Variants in NFATC3 observed in about 807,000 individuals in gnomAD.
NFATC3 encodes nuclear factor of activated T cells 3.
Under a neutral mutation model 98.6 loss-of-function variants are expected in NFATC3, and 46 were observed. The observed-to-expected ratio is 0.47, with a 90% CI of 0.37 to 0.60. NFATC3 has a LOEUF of 0.60. Ranked by LOEUF, NFATC3 falls within the 20% of genes least tolerant of loss-of-function variation. NFATC3 has a pLI of 0.00. For missense variants in NFATC3, 1,256 were observed against 1,295.5 expected (o/e 0.97, Z 0.47); for synonymous variants, 512 against 472.2 (o/e 1.08, Z -1.09).
At chr16:68,123,941 G>A (rs2036688356) in intron 2 of NFATC3, among the ~76,000 whole-genome samples, 1 of 151,644 alleles carries the variant, frequency 6.6e-6, no homozygotes, top group African/African-American at 2.4e-5. Context: ...CTGAGATTAT[G>A]CCACTGCACT....
At chr16:68,178,024 TG>T (rs2039795393) in intron 6 of NFATC3, among the ~76,000 whole-genome samples, 2 of 152,312 alleles carry the variant, frequency 1.3e-5, no homozygotes, top group South Asian at 2.1e-4. Context: ...TATTCTTGTT[TG>T]TTTTTTTATA....
intron 9 of NFATC3, among the ~76,000 whole-genome samples, chr16:68,220,976 G>A (rs1371816215): frequency 2.0e-5 from 3 of 152,048 alleles, no homozygotes; most frequent in Non-Finnish European, 4.4e-5. Context: ...TGAACTCCTG[G>A]CCTCAAACAA....
chr16:68,136,511 C>T (rs2037419513), intron 3 of NFATC3, among the ~76,000 whole-genome samples: 1 of 152,262 alleles, frequency 6.6e-6, no homozygotes, highest in South Asian at 2.1e-4. Context: ...TCAAGTGATC[C>T]ACCTGCCTTG....
intron 4 of NFATC3, 96 bp from the exon 5 acceptor site, chr16:68,166,746 AG>A (rs2039217468): frequency 4.1e-5 from 38 of 927,900 alleles, no homozygotes; most frequent in Non-Finnish European, 5.7e-5. Context: ...AATTTTGGGT[AG>A]TTTTTTTCTG....
chr16:68,192,207 C>G lies in NFATC3; in HGVS notation c.3106+432C>G, dbSNP rs1433959538. 7 of 54,792 alleles carry G rather than the reference C, an allele frequency of 1.3e-4. No homozygotes were observed. In the Admixed American group the frequency reaches 1.6e-3, roughly 13 times the overall value. The allele number at this position is 54,792 out of a possible 1,614,324, so 3.4% of individuals were successfully genotyped here. ...TGGGCGGCAGAGCAAGACTCCGTCT[C>G]GGGAAAAAAAAAAAAAAAAAAAAAT... On this transcript the variant is annotated intron_variant, in intron 9 of 9. Coordinates refer to ENST00000346183, the MANE Select transcript of NFATC3 (RefSeq NM_173165.3).
chr16:68,226,196 A>C lies in NFATC3; in HGVS notation c.3107-154A>C, dbSNP rs1289812261. 3 of 785,368 alleles carry C rather than the reference A, an allele frequency of 3.8e-6. No homozygotes were observed. In the African/African-American group the frequency reaches 5.5e-5, roughly 14 times the overall value. 48.6% of individuals were successfully genotyped at this position (785,368 alleles called of 1,614,324 possible). On this transcript the variant is annotated intron_variant, in intron 9 of 9. Transcript: ENST00000346183. The stretch of plus-strand genomic sequence containing the variant: ...TTTGTGGAGCGATGTTTCCATCTCT[A>C]ATGCCACTCAGCTCAGGAGCAGGCT...
At chr16:68,138,742 A>G (rs926559871) in intron 3 of NFATC3, 5 of 1,288,932 alleles carry the variant, frequency 3.9e-6, no homozygotes, top group Middle Eastern at 4.3e-4. Flanking sequence ...TTCCTCATCA[A>G]AACTCTGTAT....
At chr16:68,087,168 T>C (rs1473833329) in intron 1 of NFATC3, among the ~76,000 whole-genome samples, 2 of 152,192 alleles carry the variant, frequency 1.3e-5, no homozygotes, top group Non-Finnish European at 2.9e-5. Context: ...AACAGCTTGT[T>C]TGAGTATTTT....
rs143418786 is a variant in NFATC3 at position 68,140,552 on chromosome 16, A to G, written c.1401+13942A>G. Among the ~76,000 whole-genome samples the G allele has an allele frequency of 5.2e-3, 788 of 152,334 alleles. 7 individuals carry two copies. Among genetic ancestry groups the G allele is most frequent in the African/African-American group, 0.017 (717 of 41,568 alleles). On this transcript the variant is annotated intron_variant, in intron 3 of 9. Coordinates refer to ENST00000346183, the MANE Select transcript of NFATC3 (RefSeq NM_173165.3). Reference sequence around the variant, plus strand: ...TGGATACTGACTATATTTTCTTTTCAACAGATGATGTCAGAGCAACTGGAT... The same window carrying G: ...TGGATACTGACTATATTTTCTTTTCGACAGATGATGTCAGAGCAACTGGAT...
In NFATC3 at chr16:68,143,720, G is replaced by A. The variant is rs2037883162; in HGVS notation, c.1402-14149G>A. Reference sequence around the variant, plus strand: ...ACAAAAATTAGCTGGGCATGGTGGTGCTCACCTCTAGACCCAGCTAAGTCT... The same window carrying A: ...ACAAAAATTAGCTGGGCATGGTGGTACTCACCTCTAGACCCAGCTAAGTCT... On this transcript the variant is annotated intron_variant, in intron 3 of 9. Transcript: ENST00000346183. Among the ~76,000 whole-genome samples, 2 of 152,024 alleles carry A rather than the reference G, an allele frequency of 1.3e-5. 1 individual carries two copies. The highest frequency in any genetic ancestry group is 2.9e-5 in the Non-Finnish European group (2 of 67,980).
chr16:68,187,680 C>T (rs1416951507), intron 8 of NFATC3, among the ~76,000 whole-genome samples: 2 of 152,142 alleles, frequency 1.3e-5, no homozygotes, highest in Admixed American at 6.5e-5. Context: ...TGGGTAGCTC[C>T]TCTCCACAGC....
At position 68,224,305 on chromosome 16, in the gene NFATC3, C is replaced by T. The variant is rs192838772; in HGVS notation, c.3107-2045C>T. On this transcript the variant is annotated intron_variant, in intron 9 of 9. Transcript: ENST00000346183. ...TTTTTTTTTTTTTTTGAGACAGAGT[C>T]TCACTCTGTTGCCCAGGCTGGAGTG... 7.0e-3 allele frequency among the ~76,000 whole-genome samples: 943 copies of T among 135,490 alleles called. 14 individuals carry two copies. The highest frequency in any genetic ancestry group is 0.025 in the African/African-American group (874 of 34,872). The allele number at this position is 135,490 out of a possible 152,430, so 88.9% of individuals were successfully genotyped here. A position where few individuals can be genotyped will look rare whatever the true frequency, so the allele number is the denominator to read the frequency against.
At chr16:68,217,331 C>T (rs2041674943) in intron 9 of NFATC3, among the ~76,000 whole-genome samples, 4 of 151,762 alleles carry the variant, frequency 2.6e-5, no homozygotes, top group Non-Finnish European at 5.9e-5. Context: ...ACTCGGGAGG[C>T]TGAGGCAGGA....
intron 9 of NFATC3, among the ~76,000 whole-genome samples, chr16:68,224,030 A>C (rs1416460673): frequency 1.3e-5 from 2 of 150,692 alleles, no homozygotes; most frequent in African/African-American, 4.9e-5. Flanking sequence ...GTGGATCATG[A>C]GGACAGGAGA....
At chr16:68,166,521 A>AGTG (rs1240143996) in intron 4 of NFATC3, among the ~76,000 whole-genome samples, 1 of 152,216 alleles carries the variant, frequency 6.6e-6, no homozygotes. Flanking sequence ...CATTTGTCAA[A>AGTG]GCAAGTCATA....
intron 3 of NFATC3, among the ~76,000 whole-genome samples, chr16:68,153,075 C>T (rs1213955822): frequency 6.6e-6 from 1 of 152,200 alleles, no homozygotes; most frequent in East Asian, 1.9e-4. Flanking sequence ...TTTTGAGGCA[C>T]AGTGGACTGT....
At chr16:68,128,576 C>T (rs1598410419) in intron 3 of NFATC3, among the ~76,000 whole-genome samples, 2 of 151,480 alleles carry the variant, frequency 1.3e-5, no homozygotes, top group Admixed American at 1.3e-4. Flanking sequence ...AAAACCGATG[C>T]ATGTGCTGTG....
At chr16:68,166,599 T>TTATTA (rs2151595295) in intron 4 of NFATC3, among the ~76,000 whole-genome samples, 1 of 152,328 alleles carries the variant, frequency 6.6e-6, no homozygotes, top group Admixed American at 6.5e-5. Context: ...GGCATGCAAG[T>TTATTA]ACTGGAATGA....
At chr16:68,111,687 C>A (rs575465641) in intron 1 of NFATC3, among the ~76,000 whole-genome samples, 21 of 152,258 alleles carry the variant, frequency 1.4e-4, no homozygotes, top group Admixed American at 1.0e-3. Context: ...GGTTATTTTG[C>A]AGACGTGTTA....
Sources: allele counts gnomAD v4.1 joint callset (sites outside exome capture counted in the v4.1 genomes callset), GRCh38; gene constraint gnomAD v4.1.1; transcripts MANE v1.5; gene names NCBI Gene and HGNC (gene_info 2026-07-23, HGNC 2026-07-21).